Variants in RSRP1 observed in about 807,000 individuals in gnomAD.
RSRP1 encodes arginine and serine rich protein 1, also known as arginine/serine-rich protein 1.
Under a neutral mutation model 33.0 loss-of-function variants are expected in RSRP1, and 37 were observed. The ratio of observed to expected loss-of-function variants is 1.12; its 90% CI spans 0.86 to 1.48. The LOEUF (loss-of-function observed/expected upper bound fraction) is 1.48. Ranked by LOEUF, RSRP1 falls within the 40% of genes most tolerant of loss-of-function variation. The pLI, the probability that RSRP1 is intolerant of heterozygous loss-of-function variation, is 0.00. For synonymous variants in RSRP1, 167 were observed against 158.7 expected, an observed-to-expected ratio of 1.05 and a Z score of -0.40; for missense variants, 402 against 385.3, an observed-to-expected ratio of 1.04 and a Z score of -0.36.
At position 25,282,142 on chromosome 1, in the gene RSRP1, G is replaced by C. The variant is rs528359106; in HGVS notation, c.-66-35113C>G. Among the ~76,000 whole-genome samples the C allele has an allele frequency of 3.3e-4, 44 of 132,646 alleles. 10 individuals are homozygous for C. Among genetic ancestry groups the C allele is most frequent in the Middle Eastern group, 4.1e-3 (1 of 246 alleles). 87.0% of individuals were successfully genotyped at this position (132,646 alleles called of 152,430 possible). ...GATTTCCCAGAAACCTCTCAGGTGG[G>C]TCTAATTACCCTTATTCAGCTGATA... On this transcript the variant is annotated intron_variant, in intron 1 of 1. Transcript: ENST00000561867.
chr1:25,311,365 G>A (rs1437866642), intron 1 of RSRP1, among the ~76,000 whole-genome samples: 1 of 130,606 alleles, frequency 7.7e-6, no homozygotes, highest in African/African-American at 2.6e-5. Flanking sequence ...AAGAAAACTA[G>A]TACACATAAA....
intron 1 of RSRP1, among the ~76,000 whole-genome samples, chr1:25,258,725 A>C (rs1243664638): frequency 6.6e-6 from 1 of 152,234 alleles, no homozygotes; most frequent in Non-Finnish European, 1.5e-5. Context: ...ATTATACCAA[A>C]TACTTTGAGT....
rs1419332158 is a variant in RSRP1 at position 25,276,680 on chromosome 1, C to G, written c.-66-29651G>C. Among the ~76,000 whole-genome samples the G allele has an allele frequency of 1.5e-5, 2 of 130,534 alleles. 1 individual carries two copies. The highest frequency in any genetic ancestry group is 3.6e-5 in the Non-Finnish European group (2 of 55,516). 85.6% of individuals were successfully genotyped at this position (130,534 alleles called of 152,430 possible). A position where few individuals can be genotyped will look rare whatever the true frequency, so the allele number is the denominator to read the frequency against. On this transcript the variant is annotated intron_variant, in intron 1 of 1. Coordinates refer to the RSRP1 transcript ENST00000561867. ...AGTGGGACGGGATTGTACCACTTCA[C>G]TCCAGCATGGGCGACAGAGCAAGAC...
At position 25,272,759 on chromosome 1, in the gene RSRP1, G is replaced by A. The variant is rs56013401; in HGVS notation, c.-66-25730C>T. The A allele has an allele frequency of 2.8e-4, 383 of 1,365,766 alleles. 105 individuals are homozygous for A. The highest frequency in any genetic ancestry group is 3.7e-4 in the Non-Finnish European group (362 of 968,924). 84.6% of individuals were successfully genotyped at this position (1,365,766 alleles called of 1,614,324 possible). Reference sequence around the variant, plus strand: ...GCAGGGGCAGGGGCGGGGGAGGCCTGTGGTTCTCCAGGGGCACAGATGTTC... The same window carrying A: ...GCAGGGGCAGGGGCGGGGGAGGCCTATGGTTCTCCAGGGGCACAGATGTTC... On this transcript the variant is annotated intron_variant, in intron 1 of 1. Coordinates refer to the RSRP1 transcript ENST00000561867.
intron 1 of RSRP1, among the ~76,000 whole-genome samples, chr1:25,298,305 A>T (rs1237234920): frequency 8.2e-6 from 1 of 122,306 alleles, no homozygotes; most frequent in African/African-American, 2.6e-5. Flanking sequence ...TGCAGTCTTC[A>T]TAACGATTGC....
At position 25,329,015 on chromosome 1, in the gene RSRP1, A is replaced by G. The variant is rs781099507; in HGVS notation, c.-67+8963T>C. On this transcript the variant is annotated intron_variant, in intron 1 of 1. Coordinates refer to the RSRP1 transcript ENST00000561867. Reference sequence around the variant, plus strand: ...CATTTGTACGTGAGAAACGCTCATGACAGCAAAGTCTCCAATGTTCGCGCA... The same window carrying G: ...CATTTGTACGTGAGAAACGCTCATGGCAGCAAAGTCTCCAATGTTCGCGCA... 1.6e-5 allele frequency: 22 copies of G among 1,377,938 alleles called. 1 individual carries two copies. In the African/African-American group the frequency reaches 3.0e-4, roughly 19 times the overall value. The allele number at this position is 1,377,938 out of a possible 1,614,324, so 85.4% of individuals were successfully genotyped here. A position where few individuals can be genotyped will look rare whatever the true frequency, so the allele number is the denominator to read the frequency against.
chr1:25,298,662 T>A (rs558992530), intron 1 of RSRP1, among the ~76,000 whole-genome samples: 2 of 132,222 alleles, frequency 1.5e-5, no homozygotes, highest in East Asian at 3.9e-4. Context: ...GACTGAGGGC[T>A]TTTTACCATC....
At chr1:25,302,613 G>A (rs1436964708) in intron 1 of RSRP1, among the ~76,000 whole-genome samples, 1 of 130,072 alleles carries the variant, frequency 7.7e-6, no homozygotes, top group African/African-American at 2.7e-5. Context: ...TTCTGGAGCA[G>A]TGAAGGACAT....
chr1:25,321,540 G>A (rs1230107239), intron 1 of RSRP1, among the ~76,000 whole-genome samples: 2 of 122,316 alleles, frequency 1.6e-5, no homozygotes, highest in Non-Finnish European at 3.8e-5. Flanking sequence ...TGTGGTGGCA[G>A]GCGCCTATAA....
rs1641094426 is a variant in RSRP1, at chr1:25,277,249, G to GA, written c.-66-30221dup. 1.5e-5 allele frequency among the ~76,000 whole-genome samples: 2 copies of GA among 130,662 alleles called. 1 individual carries two copies. The highest frequency in any genetic ancestry group is 3.6e-5 in the Non-Finnish European group (2 of 55,092). The allele number at this position is 130,662 out of a possible 152,430, so 85.7% of individuals were successfully genotyped here. A position where few individuals can be genotyped will look rare whatever the true frequency, so the allele number is the denominator to read the frequency against. ...AGCAAGTGAGGGGTGGCTTCTGGGT[G>GA]AATCTGAATATTAAATATTTGCAGA... On this transcript the variant is annotated intron_variant, in intron 1 of 1. Coordinates refer to the RSRP1 transcript ENST00000561867.
chr1:25,243,453 G>A, intron 4 of RSRP1, 97 bp downstream of exon 4: 1 of 1,441,720 alleles, frequency 6.9e-7, no homozygotes. Flanking sequence ...AAGTGTGTCA[G>A]TAGGCCCCCA....
At chr1:25,318,865 G>C (rs1447230932) in intron 1 of RSRP1, among the ~76,000 whole-genome samples, 2 of 132,346 alleles carry the variant, frequency 1.5e-5, no homozygotes, top group African/African-American at 5.1e-5. Flanking sequence ...GTACTTTTTG[G>C]AGTTACCTGG....
At chr1:25,324,889 CA>C (rs1333526234) in intron 1 of RSRP1, among the ~76,000 whole-genome samples, 1 of 114,034 alleles carries the variant, frequency 8.8e-6, no homozygotes, top group Non-Finnish European at 1.8e-5. Context: ...ACTAAAAATA[CA>C]AAAAAAAATT....
chr1:25,245,538 G>A (rs1639302174), intron 2 of RSRP1, among the ~76,000 whole-genome samples: 1 of 152,154 alleles, frequency 6.6e-6, no homozygotes, highest in Admixed American at 6.5e-5. Context: ...GTGTTTGAGA[G>A]ACTGTAAACC....
intron 1 of RSRP1, chr1:25,301,656 C>G: frequency 1.4e-6 from 2 of 1,380,180 alleles, no homozygotes; most frequent in Non-Finnish European, 2.0e-6. Context: ...CAGGGTCATC[C>G]TTGGCTCACC....
At position 25,312,920 on chromosome 1, in the gene RSRP1, TAAAAAAAAAAAAAAAAAAAAAA is replaced by T. The variant is rs58027687; in HGVS notation, c.-67+25036_-67+25057del. On this transcript the variant is annotated intron_variant, in intron 1 of 1. Transcript: ENST00000561867. ...GGATGATAGAGCAAAATCCCATCTC[TAAAAAAAAAAAAAAAAAAAAAA>T]AAAAAAAAAAAAACTTTAGTGCTAT... 2.9e-4 allele frequency among the ~76,000 whole-genome samples: 2 copies of T among 6,850 alleles called. 1 individual carries two copies. The highest frequency in any genetic ancestry group is 0.011 in the South Asian group (2 of 184). The allele number at this position is 6,850 out of a possible 152,430, so 4.5% of individuals were successfully genotyped here. A position where few individuals can be genotyped will look rare whatever the true frequency, so the allele number is the denominator to read the frequency against.
intron 1 of RSRP1, chr1:25,301,038 G>C (rs77813628): frequency 2.2e-6 from 3 of 1,377,472 alleles, no homozygotes; most frequent in Admixed American, 3.6e-5. Flanking sequence ...CTCTACCCGA[G>C]GGAACGGAGG....
intron 1 of RSRP1, among the ~76,000 whole-genome samples, chr1:25,312,778 G>A (rs2124045058): frequency 8.4e-6 from 1 of 119,166 alleles, no homozygotes; most frequent in South Asian, 2.7e-4. Flanking sequence ...AACTTAGCTG[G>A]ATATGGTGGC....
At chr1:25,333,431 G>A (rs1193655501) in intron 1 of RSRP1, among the ~76,000 whole-genome samples, 1 of 129,874 alleles carries the variant, frequency 7.7e-6, no homozygotes, top group East Asian at 2.0e-4. Flanking sequence ...TGAATGAAGT[G>A]AAGAAGTGAG....
Sources: allele counts gnomAD v4.1 joint callset (sites outside exome capture counted in the v4.1 genomes callset), GRCh38; gene constraint gnomAD v4.1.1; transcripts MANE v1.5; gene names NCBI Gene and HGNC (gene_info 2026-07-23, HGNC 2026-07-21).